TWIST2: variants seen among roughly 807,000 people sequenced by gnomAD.
The protein encoded by TWIST2 is twist-related protein 2.
TWIST2 carries 1 observed loss-of-function variant against 11.6 expected under a neutral mutation model. That is an observed-to-expected ratio of 0.09 (90% CI 0.03 to 0.41). The LOEUF is 0.41. TWIST2 is among the 10% of genes least tolerant of loss of function. The pLI, the probability that TWIST2 is intolerant of heterozygous loss-of-function variation, is 0.98. For missense variants in TWIST2, 168 were observed against 226.4 expected, an observed-to-expected ratio of 0.74 and a Z score of 1.66; for synonymous variants, 87 against 96.6, an observed-to-expected ratio of 0.90 and a Z score of 0.58.
intron 1 of TWIST2, among the ~76,000 whole-genome samples, chr2:238,881,405 C>T (rs62647541): frequency 6.7e-6 from 1 of 148,458 alleles, no homozygotes; most frequent in African/African-American, 2.6e-5. Flanking sequence ...TTATTAGTGT[C>T]AGTGTCAGTG....
rs1693342604 is a variant in TWIST2, at chr2:238,905,932, CGCGTGTGTGT to C, written c.*36-3906_*36-3897del. Among the ~76,000 whole-genome samples, 21 of 109,362 alleles carry C rather than the reference CGCGTGTGTGT, an allele frequency of 1.9e-4. 1 individual carries two copies. Among genetic ancestry groups the C allele is most frequent in the African/African-American group, 6.2e-4 (20 of 32,040 alleles). 71.7% of individuals were successfully genotyped at this position (109,362 alleles called of 152,430 possible). A position where few individuals can be genotyped will look rare whatever the true frequency, so the allele number is the denominator to read the frequency against. The stretch of plus-strand genomic sequence containing the variant: ...GTGTGTGCGTGCAGGTGTGCGTGTG[CGCGTGTGTGT>C]GCGCGCGCGTGTGTACGTGTGCGTG... On this transcript the variant is annotated intron_variant, in intron 1 of 1. Coordinates refer to ENST00000612363, the MANE Select transcript of TWIST2 (RefSeq NM_001271893.4).
At chr2:238,882,112 T>C (rs1250423656) in intron 1 of TWIST2, among the ~76,000 whole-genome samples, 2 of 152,154 alleles carry the variant, frequency 1.3e-5, no homozygotes, top group Admixed American at 6.5e-5. Flanking sequence ...TAGGGGCACA[T>C]GGCAAGTCAG....
chr2:238,895,110 C>T (rs1009461414), intron 1 of TWIST2, among the ~76,000 whole-genome samples: 3 of 152,242 alleles, frequency 2.0e-5, no homozygotes, highest in Non-Finnish European at 2.9e-5. Context: ...GCTGTTGCTG[C>T]TGCTGCCACT....
intron 1 of TWIST2, among the ~76,000 whole-genome samples, chr2:238,905,034 AGGTG>A (rs1693324770): frequency 1.2e-5 from 1 of 82,812 alleles, no homozygotes. Context: ...AGAAGTAGGT[AGGTG>A]GGTGGCTAGG....
intron 1 of TWIST2, among the ~76,000 whole-genome samples, chr2:238,905,932 C>T (rs1316595496): frequency 0.064 from 7,018 of 109,304 alleles, 472 homozygotes; most frequent in African/African-American, 0.2. Context: ...TGTGCGTGTG[C>T]GCGTGTGTGT....
At position 238,884,398 on chromosome 2, in the gene TWIST2, C is replaced by A. The variant is rs375966979; in HGVS notation, c.*36-25444C>A. 2.6e-5 allele frequency among the ~76,000 whole-genome samples: 4 copies of A among 152,250 alleles called. No individual in the cohort carries two copies. The East Asian group carries it at 5.8e-4, about 22-fold the overall frequency. On this transcript the variant is annotated intron_variant, in intron 1 of 1. Transcript: ENST00000612363. ...TGAGGCCGGAGGGCCGCTTCCCATG[C>A]GAGTGGCTTCATGCCATGGGCATGT...
chr2:238,889,425 G>T (rs1693094400), intron 1 of TWIST2, among the ~76,000 whole-genome samples: 1 of 152,082 alleles, frequency 6.6e-6, no homozygotes, highest in African/African-American at 2.4e-5. Flanking sequence ...AACTGTAGAT[G>T]GTGGGTGTGT....
rs868634882 is a variant in TWIST2, at chr2:238,873,677, C to T, written c.*35+24944C>T. Among the ~76,000 whole-genome samples the T allele has an allele frequency of 1.1e-4, 17 of 152,260 alleles. No homozygotes were observed. In the South Asian group the frequency reaches 3.5e-3, roughly 32 times the overall value. ...CCTCCCTGTGCCCAATGCACGGTGC[C>T]AGGGGAGGACAGAAGCAAAGTTGGG... On this transcript the variant is annotated intron_variant, in intron 1 of 1. Coordinates refer to ENST00000612363, the MANE Select transcript of TWIST2 (RefSeq NM_001271893.4).
At chr2:238,879,512 G>A (rs550550436) in intron 1 of TWIST2, among the ~76,000 whole-genome samples, 1 of 152,220 alleles carries the variant, frequency 6.6e-6, no homozygotes, top group African/African-American at 2.4e-5. Context: ...CACTCCTTAG[G>A]GTCACTTGTG....
At chr2:238,904,424 TGTG>T (rs1487338126) in intron 1 of TWIST2, among the ~76,000 whole-genome samples, 198 of 150,420 alleles carry the variant, frequency 1.3e-3, no homozygotes, top group Non-Finnish European at 2.0e-3. Flanking sequence ...GTGTGTGTGA[TGTG>T]GGGTGTGTGT....
chr2:238,881,640 T>G (rs1692936962), intron 1 of TWIST2, among the ~76,000 whole-genome samples: 1 of 152,146 alleles, frequency 6.6e-6, no homozygotes. Flanking sequence ...TTAGTATTAG[T>G]GCCAGCATTA....
chr2:238,853,568 T>C (rs571615564), intron 1 of TWIST2, among the ~76,000 whole-genome samples: 115 of 152,316 alleles, frequency 7.6e-4, no homozygotes, highest in African/African-American at 2.7e-3. Context: ...AGTAACCCTT[T>C]GGATGAGATT....
intron 1 of TWIST2, among the ~76,000 whole-genome samples, chr2:238,886,383 T>G (rs1166834108): frequency 1.9e-5 from 2 of 105,460 alleles, no homozygotes; most frequent in African/African-American, 3.2e-5. Flanking sequence ...TCCTTTTGTT[T>G]TGCTAAAAGT....
intron 1 of TWIST2, among the ~76,000 whole-genome samples, chr2:238,879,107 C>T (rs553734205): frequency 3.9e-5 from 6 of 152,330 alleles, no homozygotes; most frequent in East Asian, 3.9e-4. Context: ...TTGTCTCGGC[C>T]GTCCTGGGCG....
chr2:238,859,900 C>T (rs889896924), intron 1 of TWIST2, among the ~76,000 whole-genome samples: 3 of 152,216 alleles, frequency 2.0e-5, no homozygotes, highest in Non-Finnish European at 2.9e-5. Flanking sequence ...AGCCTCTCCA[C>T]AGTAGACTGA....
At chr2:238,876,102 C>CGT (rs1692800223) in intron 1 of TWIST2, among the ~76,000 whole-genome samples, 2 of 152,182 alleles carry the variant, frequency 1.3e-5, no homozygotes, top group African/African-American at 4.8e-5. Context: ...AGAAATCCTC[C>CGT]CAGTGCACCG....
chr2:238,901,428 T>C (rs1396144655), intron 1 of TWIST2, among the ~76,000 whole-genome samples: 1 of 152,260 alleles, frequency 6.6e-6, no homozygotes, highest in Non-Finnish European at 1.5e-5. Context: ...GTTCCTTTTT[T>C]TGAAGCAGAC....
At chr2:238,883,766 G>A (rs1021945267) in intron 1 of TWIST2, among the ~76,000 whole-genome samples, 5 of 152,172 alleles carry the variant, frequency 3.3e-5, no homozygotes, top group African/African-American at 7.2e-5. Context: ...CATGCCTTGC[G>A]GAGAGGGAGG....
intron 1 of TWIST2, among the ~76,000 whole-genome samples, chr2:238,874,885 T>C (rs1471687399): frequency 6.6e-6 from 1 of 152,160 alleles, no homozygotes; most frequent in Non-Finnish European, 1.5e-5. Flanking sequence ...TGAGGTTCTA[T>C]GTTTTGGTGC....
Sources: gnomAD v4.1 joint callset for allele counts (sites outside exome capture counted in the v4.1 genomes callset) on GRCh38, gnomAD v4.1.1 for gene constraint, MANE v1.5 for transcripts, NCBI Gene and HGNC (gene_info 2026-07-23, HGNC 2026-07-21) for gene names.